The following TMEM72 variants were observed in gnomAD, a reference collection of about 807,000 sequenced individuals.
The protein encoded by TMEM72 is transmembrane protein 72.
A neutral mutation model predicts 16.3 loss-of-function variants in TMEM72; 9 were observed. The observed-to-expected ratio is 0.55, with a 90% confidence interval of 0.33 to 0.96. The LOEUF (loss-of-function observed/expected upper bound fraction) is 0.96, where lower values mean the gene tolerates loss of function less well. Among genes scored for constraint, TMEM72 ranks in the 40% least tolerant of loss-of-function variants. The probability of loss-of-function intolerance (pLI) is 0.03; values close to 1 mark genes in which losing one functional copy is unlikely to be tolerated. For synonymous variants in TMEM72, 160 were observed against 146.5 expected (o/e 1.09, Z -0.66); for missense variants, 324 against 337.8 (o/e 0.96, Z 0.32).
At chr10:44,931,428 GGCAGCCCAGAGTGACACAGTGGGGGA>G (rs1294931968) in intron 2 of TMEM72, among the ~76,000 whole-genome samples, 16 of 152,212 alleles carry the variant, frequency 1.1e-4, no homozygotes, top group African/African-American at 3.9e-4. Flanking sequence ...TCAGGTGTCA[GGCAGCCCAGAGTGACACAGTGGGGGA>G]GCAGGAGACA....
chr10:44,919,822 C>T (rs1381518143), intron 1 of TMEM72: 1 of 152,228 alleles, frequency 6.6e-6, no homozygotes, highest in African/African-American at 2.4e-5. Context: ...TGAACCCTGG[C>T]TCATGTATAT....
chr10:44,925,083 C>A (rs1840164079), intron 1 of TMEM72, among the ~76,000 whole-genome samples: 1 of 152,190 alleles, frequency 6.6e-6, no homozygotes, highest in African/African-American at 2.4e-5. Flanking sequence ...CTTATTCTGC[C>A]CCTTCCACAG....
At chr10:44,933,516 G>T in intron 3 of TMEM72, 121 bp from the exon 4 acceptor site, 2 of 1,356,148 alleles carry the variant, frequency 1.5e-6, no homozygotes, top group Non-Finnish European at 2.0e-6. Flanking sequence ...AGGGCTTTCT[G>T]TTCAGCCAGG....
At chr10:44,916,107 G>A (rs12246173) in intron 1 of TMEM72, among the ~76,000 whole-genome samples, 9,460 of 152,166 alleles carry the variant, frequency 0.062, 1,016 homozygotes, top group African/African-American at 0.21. Context: ...ACAGAGGTCC[G>A]GTGTTAGAAC....
intron 2 of TMEM72, among the ~76,000 whole-genome samples, chr10:44,928,953 T>C: frequency 6.6e-6 from 1 of 152,336 alleles, no homozygotes; most frequent in East Asian, 1.9e-4. Flanking sequence ...GTCAAAGAAA[T>C]ATATATTTGA....
chr10:44,932,802 A>C (rs1840322037), intron 3 of TMEM72, among the ~76,000 whole-genome samples: 1 of 152,192 alleles, frequency 6.6e-6, no homozygotes, highest in Middle Eastern at 3.2e-3. Flanking sequence ...GCTGGGGAGA[A>C]GGCTGGGGAG....
Position 44,935,162 on chromosome 10 carries a change from A to G in TMEM72, c.*28A>G. 2 of 1,539,736 alleles carry G rather than the reference A, an allele frequency of 1.3e-6. No individual in the cohort carries two copies. Among genetic ancestry groups the G allele is most frequent in the Non-Finnish European group, 1.7e-6 (2 of 1,143,986 alleles). On this transcript the variant is annotated 3_prime_UTR_variant, in exon 5 of 5. Transcript: ENST00000389583. The stretch of plus-strand genomic sequence containing the variant: ...GCTTGCTCCAGCCTGGAGGACGCTC[A>G]GTGAGGGGTCTACCTAGCTCAATGG...
At chr10:44,931,962 G>A in intron 2 of TMEM72, 36 bp from the exon 3 acceptor site, 2 of 1,592,892 alleles carry the variant, frequency 1.3e-6, no homozygotes, top group Non-Finnish European at 1.7e-6. Context: ...AAGGAAGACA[G>A]AGGCGCCAGC....
chr10:44,921,292 T>C (rs1041805099), intron 1 of TMEM72, among the ~76,000 whole-genome samples: 1 of 151,994 alleles, frequency 6.6e-6, no homozygotes, highest in African/African-American at 2.4e-5. Context: ...GGTACCTCTG[T>C]TGGGCTGGGG....
At position 44,931,998 on chromosome 10, in the gene TMEM72, G is replaced by A. The variant is rs747089522; in HGVS notation, c.138G>A (p.Leu46=). The change falls in exon 3 of 5, where the codon CTG becomes CTA. Residue 46 remains leucine (L), a splice_region_variant and synonymous_variant. Coordinates refer to ENST00000389583, the MANE Select transcript of TMEM72 (RefSeq NM_001123376.3). ...GQFKSLAFYL[L]FTGAAVSICE... ...CTCCCTCACCTGTCTCCACCTGCAG[G>A]TTTACAGGAGCCGCTGTCTCCATAT... 9.9e-6 allele frequency: 16 copies of A among 1,612,346 alleles called. No individual in the cohort carries two copies. In the East Asian group the frequency reaches 3.3e-4, roughly 34 times the overall value.
rs1840386071 is a variant in TMEM72, at chr10:44,935,466, G to A, written c.*332G>A. 2 of 268,476 alleles carry A rather than the reference G, an allele frequency of 7.4e-6. No individual in the cohort carries two copies. Among genetic ancestry groups the A allele is most frequent in the Non-Finnish European group, 1.4e-5 (2 of 143,638 alleles). 16.6% of individuals were successfully genotyped at this position (268,476 alleles called of 1,614,324 possible). On this transcript the variant is annotated 3_prime_UTR_variant, in exon 5 of 5. Transcript: ENST00000389583. Reference sequence around the variant, plus strand: ...CCATTGACTCAGCCCAGAAGGGACAGAGGATGTCTGCCCAGCAAAAGCCTC... The same window carrying A: ...CCATTGACTCAGCCCAGAAGGGACAAAGGATGTCTGCCCAGCAAAAGCCTC...
chr10:44,932,533 C>A (rs1040328816), intron 3 of TMEM72, among the ~76,000 whole-genome samples: 8 of 152,266 alleles, frequency 5.3e-5, no homozygotes, highest in African/African-American at 1.9e-4. Flanking sequence ...GGAGTGCAGA[C>A]CCTGCAGGAT....
intron 4 of TMEM72, among the ~76,000 whole-genome samples, chr10:44,934,143 C>T (rs1411504700): frequency 3.3e-5 from 5 of 152,156 alleles, no homozygotes. Context: ...TCATTCAGGT[C>T]CAAACTCCTC....
At chr10:44,913,080 TGAGGGAGGAGC>T (rs946899099) in intron 1 of TMEM72, among the ~76,000 whole-genome samples, 1 of 152,140 alleles carries the variant, frequency 6.6e-6, no homozygotes, top group Non-Finnish European at 1.5e-5. Flanking sequence ...GTGGAGGCAC[TGAGGGAGGAGC>T]CAGATCCAGC....
chr10:44,922,044 G>T (rs1336947644), intron 1 of TMEM72, among the ~76,000 whole-genome samples: 1 of 152,178 alleles, frequency 6.6e-6, no homozygotes, highest in Non-Finnish European at 1.5e-5. Flanking sequence ...ATTTTAGGAG[G>T]TGTGCCTCCC....
chr10:44,930,401 G>T (rs1266867150), intron 2 of TMEM72, among the ~76,000 whole-genome samples: 2 of 152,224 alleles, frequency 1.3e-5, no homozygotes, highest in Non-Finnish European at 2.9e-5. Flanking sequence ...GCTAGGTTCT[G>T]ATCTTCCCCC....
chr10:44,912,317 G>A lies in TMEM72; in HGVS notation c.70+735G>A, dbSNP rs527608158. 5.3e-4 allele frequency among the ~76,000 whole-genome samples: 81 copies of A among 152,280 alleles called. 2 individuals are homozygous for A. In the East Asian group the frequency reaches 0.013, roughly 24 times the overall value. ...CCACCATCCTGAGCCCTGCCTGCTC[G>A]CTTCCCCAGGGCAGGCCTGACCCTT... On this transcript the variant is annotated intron_variant, in intron 1 of 4. Coordinates refer to ENST00000389583, the MANE Select transcript of TMEM72 (RefSeq NM_001123376.3).
At chr10:44,928,711 C>T in intron 2 of TMEM72, among the ~76,000 whole-genome samples, 1 of 103,794 alleles carries the variant, frequency 9.6e-6, no homozygotes, top group African/African-American at 3.9e-5. Flanking sequence ...TCCATCTATT[C>T]ATCCATTCAC....
chr10:44,911,667 C>G, intron 1 of TMEM72, 85 bp downstream of exon 1: 1 of 1,448,966 alleles, frequency 6.9e-7, no homozygotes, highest in Non-Finnish European at 9.4e-7. Flanking sequence ...GGCCAGGAGA[C>G]AGCAGGCACA....
Sources: allele counts gnomAD v4.1 joint callset (sites outside exome capture counted in the v4.1 genomes callset), GRCh38; gene constraint gnomAD v4.1.1; transcripts MANE v1.5; gene names NCBI Gene and HGNC (gene_info 2026-07-23, HGNC 2026-07-21).